CEP57L1: variants seen among roughly 807,000 people sequenced by gnomAD.
CEP57L1 encodes the protein centrosomal protein CEP57L1.
In CEP57L1, 37 loss-of-function variants were observed where a neutral mutation model predicts 61.0. The observed-to-expected ratio is 0.61, with a 90% CI of 0.47 to 0.80. CEP57L1 has a LOEUF of 0.80. Among genes scored for constraint, CEP57L1 ranks in the 30% least tolerant of loss-of-function variants. The pLI, the probability that CEP57L1 is intolerant of heterozygous loss-of-function variation, is 0.00. For missense variants in CEP57L1, 422 were observed against 524.7 expected, an observed-to-expected ratio of 0.80 and a Z score of 1.91; for synonymous variants, 137 against 162.3, an observed-to-expected ratio of 0.84 and a Z score of 1.19.
chr6:109,172,235 G>A lies in CEP57L1; in HGVS notation c.*9265G>A, dbSNP rs1774438229. Among the ~76,000 whole-genome samples the A allele has an allele frequency of 6.6e-6, 1 of 152,110 alleles. No individual in the cohort carries two copies. Among genetic ancestry groups the A allele is most frequent in the South Asian group, 2.1e-4 (1 of 4,822 alleles). ...GCAACAATGTGTGACAACATTCTTG[G>A]AGAATTGCTAACCAGGGAAGCTCCA... is the stretch of plus-strand genomic sequence containing the variant. On this transcript the variant is annotated 3_prime_UTR_variant, in exon 11 of 11. Transcript: ENST00000517392.
chr6:109,107,629 G>A (rs115766562), intron 1 of CEP57L1, among the ~76,000 whole-genome samples: 2 of 152,130 alleles, frequency 1.3e-5, no homozygotes, highest in African/African-American at 4.8e-5. Flanking sequence ...CAAGAATTTG[G>A]CAAAAGCTTC....
chr6:109,160,678 G>T lies in CEP57L1; in HGVS notation c.1123G>T (p.Gly375Ter). ...ECLLKKMEIK[G>*]EQISKLKKHQ... ...TTTACTCAAGAAAATGGAAATTAAA[G>T]GAGAACAAATCTCCAAACTGAAGAA... Residue 375 changes from glycine (G) to a stop codon, truncating the protein, a stop_gained, in exon 10 of 11, where the codon GGA becomes TGA. Coordinates refer to ENST00000517392, the MANE Select transcript of CEP57L1 (RefSeq NM_001271852.3). LOFTEE classifies it high-confidence loss of function. The T allele has an allele frequency of 6.2e-7, 1 of 1,606,954 alleles. No individual in the cohort carries two copies. Among genetic ancestry groups the T allele is most frequent in the Non-Finnish European group, 8.5e-7 (1 of 1,177,608 alleles).
rs1774070041 is a variant in CEP57L1, at chr6:109,165,883, T to G, written c.*2913T>G. 1 of 152,218 alleles carries G rather than the reference T, an allele frequency of 6.6e-6. No homozygotes were observed. The highest frequency in any genetic ancestry group is 2.1e-4 in the South Asian group (1 of 4,822). The allele number at this position is 152,218 out of a possible 1,614,324, so 9.4% of individuals were successfully genotyped here. ...CAGCTGTGCTCTGTCTAGCAGAAAC[T>G]TGGTATGATTTCACGGATTTTGTTC... On this transcript the variant is annotated 3_prime_UTR_variant, in exon 11 of 11. Coordinates refer to ENST00000517392, the MANE Select transcript of CEP57L1 (RefSeq NM_001271852.3).
intron 1 of CEP57L1, among the ~76,000 whole-genome samples, chr6:109,144,013 G>A (rs1048436968): frequency 2.0e-5 from 3 of 152,076 alleles, no homozygotes; most frequent in South Asian, 2.1e-4. Context: ...AGATAGATGC[G>A]GTATCCCATG....
At chr6:109,135,268 C>T (rs1774721868) in intron 1 of CEP57L1, among the ~76,000 whole-genome samples, 1 of 152,092 alleles carries the variant, frequency 6.6e-6, no homozygotes, top group Non-Finnish European at 1.5e-5. Flanking sequence ...CACACATCTA[C>T]AACTATGTGA....
chr6:109,129,299 C>T, intron 1 of CEP57L1: 1 of 1,015,882 alleles, frequency 9.8e-7, no homozygotes, highest in Non-Finnish European at 1.2e-6. Flanking sequence ...ATTCATATTT[C>T]CTAGAAAATG....
chr6:109,096,287 G>C (rs1781698938), intron 1 of CEP57L1, among the ~76,000 whole-genome samples: 1 of 152,254 alleles, frequency 6.6e-6, no homozygotes, highest in East Asian at 1.9e-4. Context: ...CGTCTTGCTA[G>C]GCACTGAGTA....
chr6:109,118,839 A>G (rs1217968246), intron 1 of CEP57L1, among the ~76,000 whole-genome samples: 1 of 152,188 alleles, frequency 6.6e-6, no homozygotes, highest in East Asian at 1.9e-4. Context: ...ATAGCTTTTA[A>G]TTCATTTCAG....
chr6:109,152,636 CGTGTGTGTGTGTGT>C (rs59562316), intron 4 of CEP57L1, among the ~76,000 whole-genome samples: 25,758 of 145,124 alleles, frequency 0.18, 2,579 homozygotes, highest in Non-Finnish European at 0.24. Flanking sequence ...GATGTGCGTG[CGTGTGTGTGTGTGT>C]GTGTGTGTGT....
At chr6:109,131,885 G>C (rs909268289) in intron 1 of CEP57L1, among the ~76,000 whole-genome samples, 1 of 152,038 alleles carries the variant, frequency 6.6e-6, no homozygotes, top group Non-Finnish European at 1.5e-5. Flanking sequence ...GAGGAAGTCT[G>C]AGCCTAGGCA....
chr6:109,110,477 C>T (rs1362207459), intron 1 of CEP57L1, among the ~76,000 whole-genome samples: 1 of 152,154 alleles, frequency 6.6e-6, no homozygotes, highest in East Asian at 1.9e-4. Flanking sequence ...TGTAGGTTGC[C>T]TGTTCACTCT....
At chr6:109,133,182 T>C (rs1218967419) in intron 1 of CEP57L1, among the ~76,000 whole-genome samples, 2 of 146,612 alleles carry the variant, frequency 1.4e-5, no homozygotes, top group South Asian at 2.1e-4. Flanking sequence ...AGCAATCTTA[T>C]ATGTTAAGGC....
At chr6:109,159,143 C>T in intron 8 of CEP57L1, 41 bp downstream of exon 8, 2 of 1,613,838 alleles carry the variant, frequency 1.2e-6, no homozygotes, top group Admixed American at 1.7e-5. Context: ...CAAAAAAACT[C>T]CTGTTTTGTT....
chr6:109,131,056 C>T (rs1774138967), intron 1 of CEP57L1, among the ~76,000 whole-genome samples: 1 of 152,076 alleles, frequency 6.6e-6, no homozygotes, highest in African/African-American at 2.4e-5. Context: ...GATGATTTTT[C>T]ATATCTATCA....
chr6:109,160,772 G>A (rs1300142783), intron 10 of CEP57L1, 56 bp downstream of exon 10: 2 of 1,528,262 alleles, frequency 1.3e-6, no homozygotes, highest in East Asian at 2.3e-5. Context: ...TGGATTCAGT[G>A]TTGTATCTCT....
intron 1 of CEP57L1, among the ~76,000 whole-genome samples, chr6:109,144,814 A>G (rs1438013640): frequency 1.3e-5 from 2 of 152,080 alleles, no homozygotes; most frequent in Non-Finnish European, 2.9e-5. Context: ...ATCAGTGTAT[A>G]TTGTTGGTTT....
At chr6:109,137,071 A>G (rs1274127450) in intron 1 of CEP57L1, among the ~76,000 whole-genome samples, 1 of 152,116 alleles carries the variant, frequency 6.6e-6, no homozygotes, top group Non-Finnish European at 1.5e-5. Flanking sequence ...GTATCTTTAA[A>G]CATTGTAATA....
Position 109,163,147 on chromosome 6 carries a change from AAATT to A in CEP57L1, c.*182_*185del. 2.0e-6 allele frequency: 1 copy of A among 511,956 alleles called. No homozygotes were observed. Among genetic ancestry groups the A allele is most frequent in the Admixed American group, 3.7e-5 (1 of 27,212 alleles). The allele number at this position is 511,956 out of a possible 1,614,324, so 31.7% of individuals were successfully genotyped here. ...AATGACCTGGTGGGTTCCAAATAAT[AAATT>A]AATTGCTTTTTTATTTTTCTTATTG... On this transcript the variant is annotated 3_prime_UTR_variant, in exon 11 of 11. Transcript: ENST00000517392.
At chr6:109,119,458 T>C (rs1772694961) in intron 1 of CEP57L1, among the ~76,000 whole-genome samples, 1 of 152,054 alleles carries the variant, frequency 6.6e-6, no homozygotes, top group African/African-American at 2.4e-5. Flanking sequence ...TCCTCAGGAC[T>C]TGAGAATGGG....
Sources: allele counts gnomAD v4.1 joint callset (sites outside exome capture counted in the v4.1 genomes callset), GRCh38; gene constraint gnomAD v4.1.1; transcripts MANE v1.5; gene names NCBI Gene and HGNC (gene_info 2026-07-23, HGNC 2026-07-21).